QTMAN: variants seen among roughly 807,000 people sequenced by gnomAD.
QTMAN encodes the protein tRNA-queuosine alpha-mannosyltransferase.
chr2:144,013,338 T>C, the QTMAN span, among the ~76,000 whole-genome samples: 1 of 152,050 alleles, frequency 6.6e-6, no homozygotes, highest in Admixed American at 6.6e-5. Context: ...TAAGAATTAA[T>C]GGTCAACAAA....
the QTMAN span, among the ~76,000 whole-genome samples, chr2:144,277,473 T>C: frequency 6.6e-6 from 1 of 152,100 alleles, no homozygotes; most frequent in South Asian, 2.1e-4. Context: ...TTGGCAAAAA[T>C]GAGCAAACCT....
the QTMAN span, among the ~76,000 whole-genome samples, chr2:144,236,838 G>A: frequency 6.6e-6 from 1 of 151,834 alleles, no homozygotes; most frequent in Non-Finnish European, 1.5e-5. Context: ...GAACAAGATG[G>A]GAAAGCATTC....
chr2:144,258,436 G>A, the QTMAN span, among the ~76,000 whole-genome samples: 202 of 152,250 alleles, frequency 1.3e-3, no homozygotes, highest in Middle Eastern at 0.031. Flanking sequence ...GAATTCCTTA[G>A]GTTATCAAGG....
the QTMAN span, among the ~76,000 whole-genome samples, chr2:144,051,700 A>G: frequency 6.6e-6 from 1 of 152,206 alleles, no homozygotes; most frequent in Non-Finnish European, 1.5e-5. Flanking sequence ...TCGAATTGAG[A>G]GAGAAAATGC....
At chr2:144,308,201 C>T in the QTMAN span, among the ~76,000 whole-genome samples, 4 of 143,266 alleles carry the variant, frequency 2.8e-5, no homozygotes, top group Non-Finnish European at 3.0e-5. Context: ...GAGTCTCGCA[C>T]TGTCACCTGG....
the QTMAN span, among the ~76,000 whole-genome samples, chr2:144,239,742 GC>G: frequency 6.6e-6 from 1 of 152,248 alleles, no homozygotes; most frequent in East Asian, 1.9e-4. Context: ...GATATTTATA[GC>G]CAAATGAAAT....
the QTMAN span, among the ~76,000 whole-genome samples, chr2:144,015,708 G>A: frequency 3.3e-5 from 5 of 152,212 alleles, no homozygotes; most frequent in Admixed American, 1.3e-4. Context: ...CTGTGAAGAA[G>A]ATTATTTTGG....
the QTMAN span, among the ~76,000 whole-genome samples, chr2:144,249,771 C>G: frequency 6.6e-6 from 1 of 152,132 alleles, no homozygotes; most frequent in African/African-American, 2.4e-5. Flanking sequence ...GCAGAAAACT[C>G]AAAACCAAAA....
chr2:144,307,181 A>T, the QTMAN span, among the ~76,000 whole-genome samples: 1 of 141,988 alleles, frequency 7.0e-6, no homozygotes, highest in Non-Finnish European at 1.6e-5. Context: ...AAAAAAAAAA[A>T]AACAATTAAA....
chr2:144,110,042 T>A, the QTMAN span, among the ~76,000 whole-genome samples: 14 of 152,196 alleles, frequency 9.2e-5, no homozygotes, highest in African/African-American at 3.4e-4. Flanking sequence ...CATTACTGGG[T>A]ATATACCCAG....
the QTMAN span, among the ~76,000 whole-genome samples, chr2:144,275,384 A>G: frequency 7.2e-6 from 1 of 139,734 alleles, no homozygotes; most frequent in Non-Finnish European, 1.6e-5. Flanking sequence ...ACTAGGTCTC[A>G]AAAAAAAAAA....
chr2:144,008,044 A>G, the QTMAN span, among the ~76,000 whole-genome samples: 1 of 152,164 alleles, frequency 6.6e-6, no homozygotes, highest in Non-Finnish European at 1.5e-5. Flanking sequence ...ATATTTTAAT[A>G]TCTTTTTTAT....
chr2:144,024,300 T>C, the QTMAN span, among the ~76,000 whole-genome samples: 1 of 152,226 alleles, frequency 6.6e-6, no homozygotes, highest in Admixed American at 6.5e-5. Flanking sequence ...AAATCAACTC[T>C]GTTGTCTAGC....
chr2:144,292,356 A>G, the QTMAN span, among the ~76,000 whole-genome samples: 1 of 152,156 alleles, frequency 6.6e-6, no homozygotes, highest in Non-Finnish European at 1.5e-5. Flanking sequence ...CCCTTTTCCC[A>G]AATCTTCCCC....
the QTMAN span, chr2:144,006,442 G>A: frequency 6.6e-6 from 1 of 152,064 alleles, no homozygotes; most frequent in Non-Finnish European, 1.5e-5. Flanking sequence ...CATAATCTGT[G>A]GGGGAAGTGT....
At chr2:144,066,546 C>T in the QTMAN span, among the ~76,000 whole-genome samples, 1 of 152,326 alleles carries the variant, frequency 6.6e-6, no homozygotes, top group South Asian at 2.1e-4. Flanking sequence ...CCAGGCGCAG[C>T]GGCTTACGCC....
At chr2:143,956,462 A>G in the QTMAN span, among the ~76,000 whole-genome samples, 38 of 152,248 alleles carry the variant, frequency 2.5e-4, no homozygotes, top group African/African-American at 8.9e-4. Context: ...TATATTACAC[A>G]TATACACATA....
the QTMAN span, among the ~76,000 whole-genome samples, chr2:143,963,152 G>A: frequency 6.6e-6 from 1 of 152,108 alleles, no homozygotes; most frequent in Non-Finnish European, 1.5e-5. Flanking sequence ...ATACATAGGG[G>A]AAAGTAATTA....
the QTMAN span, among the ~76,000 whole-genome samples, chr2:144,036,770 C>T: frequency 1.8e-4 from 28 of 152,190 alleles, no homozygotes; most frequent in Non-Finnish European, 3.8e-4. Flanking sequence ...GCTCCTGTTG[C>T]AACTTTAAGT....
Sources: gnomAD v4.1 joint callset for allele counts (sites outside exome capture counted in the v4.1 genomes callset) on GRCh38, gnomAD v4.1.1 for gene constraint, MANE v1.5 for transcripts, NCBI Gene and HGNC (gene_info 2026-07-23, HGNC 2026-07-21) for gene names.